MBNL2: variants seen among roughly 807,000 people sequenced by gnomAD.
MBNL2 encodes the protein muscleblind-like protein 2.
MBNL2 carries 17 observed loss-of-function variants against 41.9 expected under a neutral mutation model. That is an observed-to-expected ratio of 0.41 (90% CI 0.28 to 0.61). MBNL2 has a LOEUF of 0.61. Among genes scored for constraint, MBNL2 ranks in the 20% least tolerant of loss-of-function variants. The pLI is 0.35. For missense variants in MBNL2, 336 were observed against 505.6 expected, an observed-to-expected ratio of 0.66 and a Z score of 3.22; for synonymous variants, 195 against 182.9, an observed-to-expected ratio of 1.07 and a Z score of -0.53.
chr13:97,204,401 C>G, the MBNL2 span, among the ~76,000 whole-genome samples: 25 of 152,260 alleles, frequency 1.6e-4, no homozygotes, highest in African/African-American at 6.0e-4. Context: ...AACAAAACAT[C>G]CATTTAAAAT....
At chr13:97,199,580 A>G in the MBNL2 span, among the ~76,000 whole-genome samples, 1 of 152,344 alleles carries the variant, frequency 6.6e-6, no homozygotes, top group Admixed American at 6.5e-5. Context: ...AAGACATTTA[A>G]AAAATGCTGT....
chr13:97,293,987 A>G (rs1432406016), intron 2 of MBNL2, among the ~76,000 whole-genome samples: 2 of 151,066 alleles, frequency 1.3e-5, no homozygotes, highest in East Asian at 1.9e-4. Context: ...ATTTTCTTCA[A>G]TTTATTCTTT....
Position 97,366,629 on chromosome 13 carries a change from G to C in MBNL2, c.1048+1458G>C, listed in dbSNP as rs182174014. On this transcript the variant is annotated intron_variant, in intron 8 of 8. Coordinates refer to ENST00000679496, the MANE Select transcript of MBNL2 (RefSeq NM_001382683.1). The surrounding 1 kb of genome is among the most constrained non-coding windows in gnomAD (Gnocchi z 4.7). ...GCTGATATTTAAAAAAAAAATTCTC[G>C]GTGAGAATTTTTTTTTCATGTTTAT... 1.1e-6 allele frequency: 1 copy of C among 931,592 alleles called. No homozygotes were observed. The highest frequency in any genetic ancestry group is 1.4e-5 in the South Asian group (1 of 71,796). 57.7% of individuals were successfully genotyped at this position (931,592 alleles called of 1,614,324 possible). A position where few individuals can be genotyped will look rare whatever the true frequency, so the allele number is the denominator to read the frequency against.
At chr13:97,230,829 A>G (rs1431730396) in intron 1 of MBNL2, among the ~76,000 whole-genome samples, 2 of 152,178 alleles carry the variant, frequency 1.3e-5, no homozygotes, top group African/African-American at 4.8e-5. Context: ...TTTTGGGGCA[A>G]ATATTGGTTC....
At chr13:97,331,864 T>C (rs1294582756) in intron 2 of MBNL2, among the ~76,000 whole-genome samples, 2 of 152,236 alleles carry the variant, frequency 1.3e-5, no homozygotes, top group Non-Finnish European at 2.9e-5. Flanking sequence ...TGTTGTAAAA[T>C]ACTTTCTATT....
chr13:97,392,036 CTT>C lies in MBNL2; in HGVS notation c.*589_*590del, dbSNP rs1382991742. 6.6e-6 allele frequency: 1 copy of C among 152,658 alleles called. No individual in the cohort carries two copies. The highest frequency in any genetic ancestry group is 2.4e-5 in the African/African-American group (1 of 41,464). 9.5% of individuals were successfully genotyped at this position (152,658 alleles called of 1,614,324 possible). A position where few individuals can be genotyped will look rare whatever the true frequency, so the allele number is the denominator to read the frequency against. ...AACATTAAATAGATTGAAAAAGAAA[CTT>C]TGCACGGTATGAGCTTCATACCCCA... On this transcript the variant is annotated 3_prime_UTR_variant, in exon 9 of 9. Transcript: ENST00000679496.
At chr13:97,204,886 C>T in the MBNL2 span, among the ~76,000 whole-genome samples, 7 of 151,872 alleles carry the variant, frequency 4.6e-5, no homozygotes, top group African/African-American at 1.2e-4. Context: ...CTAGCCTGGC[C>T]GACATGGTGA....
At chr13:97,162,263 G>A in the MBNL2 span, among the ~76,000 whole-genome samples, 5 of 152,000 alleles carry the variant, frequency 3.3e-5, no homozygotes, top group South Asian at 1.0e-3. Flanking sequence ...TTTGGGCAGG[G>A]ACACAGACCC....
In MBNL2 at chr13:97,392,772, CTACA is replaced by C. The variant is rs1383085100; in HGVS notation, c.*1326_*1329del. ...ATGTTGCACATAGCCTATACAGTAC[CTACA>C]TAGTTTTTAAATTATTGTTTAAAAA... On this transcript the variant is annotated 3_prime_UTR_variant, in exon 9 of 9. Transcript: ENST00000679496. The C allele has an allele frequency of 4.6e-5, 7 of 152,418 alleles. No homozygotes were observed. Among genetic ancestry groups the C allele is most frequent in the South Asian group, 2.1e-4 (1 of 4,820 alleles). 9.4% of individuals were successfully genotyped at this position (152,418 alleles called of 1,614,324 possible). A position where few individuals can be genotyped will look rare whatever the true frequency, so the allele number is the denominator to read the frequency against.
intron 2 of MBNL2, among the ~76,000 whole-genome samples, chr13:97,302,389 G>A (rs924910318): frequency 6.6e-6 from 1 of 152,160 alleles, no homozygotes; most frequent in Non-Finnish European, 1.5e-5. Context: ...TTTTTCTAAA[G>A]GTATTTTAGC....
the MBNL2 span, among the ~76,000 whole-genome samples, chr13:97,150,429 G>A: frequency 6.6e-6 from 1 of 152,160 alleles, no homozygotes; most frequent in Non-Finnish European, 1.5e-5. Context: ...GTCTCTTCAG[G>A]TTGGCCTGAT....
intron 1 of MBNL2, among the ~76,000 whole-genome samples, chr13:97,272,309 T>G (rs139496397): frequency 6.6e-6 from 1 of 152,332 alleles, no homozygotes; most frequent in East Asian, 1.9e-4. Context: ...TTTGTTTTTT[T>G]CTTGTAAATT....
chr13:97,149,250 G>T, the MBNL2 span, among the ~76,000 whole-genome samples: 1,372 of 152,256 alleles, frequency 9.0e-3, 18 homozygotes, highest in East Asian at 0.038. Flanking sequence ...ATATGTTCGG[G>T]CTTCAGATGG....
chr13:97,182,946 T>C, the MBNL2 span, among the ~76,000 whole-genome samples: 4 of 152,214 alleles, frequency 2.6e-5, no homozygotes, highest in Non-Finnish European at 5.9e-5. Context: ...ATATATCTAC[T>C]GCTATGTTTG....
At chr13:97,358,773 C>G (rs553704700) in intron 7 of MBNL2, among the ~76,000 whole-genome samples, 6 of 152,306 alleles carry the variant, frequency 3.9e-5, no homozygotes, top group Non-Finnish European at 7.4e-5. Flanking sequence ...AATAACAATT[C>G]TAACAAAAAG....
intron 5 of MBNL2, among the ~76,000 whole-genome samples, chr13:97,348,974 G>A (rs2062157225): frequency 6.6e-6 from 1 of 152,174 alleles, no homozygotes; most frequent in Non-Finnish European, 1.5e-5. Flanking sequence ...GGAGTGTGTG[G>A]TTCTAGAGAC....
At chr13:97,354,788 A>G (rs2062840528) in intron 5 of MBNL2, among the ~76,000 whole-genome samples, 1 of 152,242 alleles carries the variant, frequency 6.6e-6, no homozygotes, top group Admixed American at 6.5e-5. Flanking sequence ...TCTAGTTAAC[A>G]TGTCAGAAAA....
intron 2 of MBNL2, among the ~76,000 whole-genome samples, chr13:97,311,599 A>G (rs1224871513): frequency 1.3e-5 from 2 of 152,206 alleles, no homozygotes; most frequent in Non-Finnish European, 1.5e-5. Flanking sequence ...CTGAAATTGT[A>G]TTCCTTAGAA....
At position 97,366,639 on chromosome 13, in the gene MBNL2, T is replaced by C. The variant is rs1037510518; in HGVS notation, c.1048+1468T>C. 3.5e-6 allele frequency: 3 copies of C among 857,200 alleles called. No homozygotes were observed. Among genetic ancestry groups the C allele is most frequent in the Non-Finnish European group, 5.9e-6 (3 of 506,800 alleles). 53.1% of individuals were successfully genotyped at this position (857,200 alleles called of 1,614,324 possible). A position where few individuals can be genotyped will look rare whatever the true frequency, so the allele number is the denominator to read the frequency against. On this transcript the variant is annotated intron_variant, in intron 8 of 8. Coordinates refer to ENST00000679496, the MANE Select transcript of MBNL2 (RefSeq NM_001382683.1). The surrounding 1 kb of genome is among the most constrained non-coding windows in gnomAD (Gnocchi z 4.7). ...AAAAAAAAAATTCTCGGTGAGAATT[T>C]TTTTTTCATGTTTATCCATCAAATT...
Sources: gnomAD v4.1 joint callset for allele counts (sites outside exome capture counted in the v4.1 genomes callset) on GRCh38, gnomAD v4.1.1 for gene constraint, Gnocchi (gnomAD v3.1) non-coding constraint, MANE v1.5 for transcripts, NCBI Gene and HGNC (gene_info 2026-07-23, HGNC 2026-07-21) for gene names.